The following RXFP1 variants were observed in gnomAD, a reference collection of about 807,000 sequenced individuals.
RXFP1 encodes relaxin family peptide receptor 1.
Under a neutral mutation model 89.8 loss-of-function variants are expected in RXFP1, and 73 were observed. That is an observed-to-expected ratio of 0.81 (90% CI 0.67 to 0.99). The LOEUF is 0.99. Among genes scored for constraint, RXFP1 ranks in the 50% least tolerant of loss-of-function variants. The pLI is 0.00. For synonymous variants in RXFP1, 277 were observed against 305.5 expected (o/e 0.91, Z 0.97); for missense variants, 793 against 895.5 (o/e 0.89, Z 1.46).
intron 13 of RXFP1, 71 bp from the exon 14 acceptor site, chr4:158,639,189 A>G: frequency 2.3e-6 from 2 of 874,082 alleles, no homozygotes; most frequent in Non-Finnish European, 1.9e-6. Context: ...ATTGTCCTTC[A>G]CAGAAACTCA....
intron 3 of RXFP1, among the ~76,000 whole-genome samples, chr4:158,596,209 G>A (rs1760553854): frequency 6.6e-6 from 1 of 150,916 alleles, no homozygotes; most frequent in South Asian, 2.1e-4. Context: ...ATTAAGCCAT[G>A]TTGTCTCAAA....
At chr4:158,576,671 C>T (rs1053810483) in intron 2 of RXFP1, among the ~76,000 whole-genome samples, 4 of 152,100 alleles carry the variant, frequency 2.6e-5, no homozygotes, top group Non-Finnish European at 4.4e-5. Flanking sequence ...AACTTGCTCA[C>T]AAACTCCATT....
At chr4:158,561,632 T>G (rs533305869) in intron 1 of RXFP1, among the ~76,000 whole-genome samples, 2 of 143,348 alleles carry the variant, frequency 1.4e-5, no homozygotes, top group African/African-American at 5.3e-5. Context: ...TTTTCTTTTT[T>G]TTTTTTTTTT....
intron 1 of RXFP1, among the ~76,000 whole-genome samples, chr4:158,552,765 A>G (rs1203175195): frequency 6.6e-6 from 1 of 152,224 alleles, no homozygotes; most frequent in Non-Finnish European, 1.5e-5. Context: ...TTTAGGACAA[A>G]AATGCCCTCA....
rs78640960 is a variant in RXFP1 at position 158,605,261 on chromosome 4, A to G, written c.464+122A>G. Reference sequence around the variant, plus strand: ...CTTGTGTCTAATCCCTATTCAGGGAAATATTTAGCTGTTAACTGAAGACTT... The same window carrying G: ...CTTGTGTCTAATCCCTATTCAGGGAGATATTTAGCTGTTAACTGAAGACTT... On this transcript the variant is annotated intron_variant, in intron 5 of 17. Transcript: ENST00000307765. 224 of 490,592 alleles carry G rather than the reference A, an allele frequency of 4.6e-4. 2 individuals are homozygous for G. The highest frequency in any genetic ancestry group is 4.1e-3 in the African/African-American group (208 of 50,726). The allele number at this position is 490,592 out of a possible 1,614,324, so 30.4% of individuals were successfully genotyped here. A position where few individuals can be genotyped will look rare whatever the true frequency, so the allele number is the denominator to read the frequency against.
At chr4:158,556,107 C>G (rs1476964846) in intron 1 of RXFP1, among the ~76,000 whole-genome samples, 16 of 151,394 alleles carry the variant, frequency 1.1e-4, no homozygotes, top group Non-Finnish European at 7.4e-5. Flanking sequence ...AAAGTTTTTG[C>G]ACAGCAAAGG....
intron 2 of RXFP1, among the ~76,000 whole-genome samples, chr4:158,583,967 C>A (rs1338404565): frequency 6.6e-6 from 1 of 152,216 alleles, no homozygotes; most frequent in Non-Finnish European, 1.5e-5. Flanking sequence ...AAACTCCACA[C>A]AGTTTGATGA....
At chr4:158,538,336 C>T (rs1056368165) in intron 1 of RXFP1, among the ~76,000 whole-genome samples, 2 of 152,134 alleles carry the variant, frequency 1.3e-5, no homozygotes, top group African/African-American at 2.4e-5. Flanking sequence ...CAATTAGACA[C>T]GATGGCTCGC....
At chr4:158,562,626 C>CT (rs1181256450) in intron 1 of RXFP1, among the ~76,000 whole-genome samples, 1 of 146,182 alleles carries the variant, frequency 6.8e-6, no homozygotes, top group Non-Finnish European at 1.5e-5. Context: ...GCTGAGGTTA[C>CT]TTTTGAGCCA....
intron 3 of RXFP1, among the ~76,000 whole-genome samples, chr4:158,598,124 T>C (rs1157282287): frequency 7.9e-5 from 12 of 152,166 alleles, no homozygotes; most frequent in Admixed American, 7.9e-4. Context: ...AGACACTTGC[T>C]TGCTCTCTGC....
chr4:158,574,220 A>T (rs542009631), intron 2 of RXFP1, among the ~76,000 whole-genome samples: 1 of 152,370 alleles, frequency 6.6e-6, no homozygotes, highest in South Asian at 2.1e-4. Flanking sequence ...GAGGACTAAA[A>T]GATGCATAAC....
intron 1 of RXFP1, among the ~76,000 whole-genome samples, chr4:158,534,753 C>G (rs1396956256): frequency 6.6e-6 from 1 of 151,618 alleles, no homozygotes; most frequent in Non-Finnish European, 1.5e-5. Flanking sequence ...CACATCAATG[C>G]TTAGTCCAGA....
At chr4:158,624,502 A>G (rs1231901536) in intron 9 of RXFP1, among the ~76,000 whole-genome samples, 2 of 152,164 alleles carry the variant, frequency 1.3e-5, no homozygotes, top group African/African-American at 4.8e-5. Context: ...CAATTCTACC[A>G]GGTATAAAGG....
chr4:158,593,103 A>AAACG (rs1759845280), intron 2 of RXFP1, among the ~76,000 whole-genome samples: 1 of 85,800 alleles, frequency 1.2e-5, no homozygotes, highest in African/African-American at 2.9e-4. Context: ...AAAAAAACAA[A>AAACG]AACAAACAAA....
intron 1 of RXFP1, among the ~76,000 whole-genome samples, chr4:158,537,582 A>G (rs1003718678): frequency 2.6e-5 from 4 of 152,172 alleles, no homozygotes; most frequent in African/African-American, 7.2e-5. Flanking sequence ...CGACACCATT[A>G]TCTTAAAATA....
At chr4:158,618,902 C>T (rs1001757006) in intron 9 of RXFP1, among the ~76,000 whole-genome samples, 4 of 151,944 alleles carry the variant, frequency 2.6e-5, no homozygotes, top group Admixed American at 2.6e-4. Flanking sequence ...ACAGATATGG[C>T]AATAGCCAAA....
chr4:158,618,236 T>C (rs1764968715), intron 9 of RXFP1, among the ~76,000 whole-genome samples: 1 of 152,108 alleles, frequency 6.6e-6, no homozygotes, highest in Non-Finnish European at 1.5e-5. Flanking sequence ...ACAGCCTCTG[T>C]AATCCCAACT....
At chr4:158,599,506 G>A in intron 4 of RXFP1, 75 bp downstream of exon 4, 2 of 1,099,502 alleles carry the variant, frequency 1.8e-6, no homozygotes, top group Non-Finnish European at 2.6e-6. Flanking sequence ...AAGACCATGT[G>A]ATTATTCATA....
rs776394850 is a variant in RXFP1, at chr4:158,617,214, T to C, written c.755+9T>C. 1 of 1,588,180 alleles carries C rather than the reference T, an allele frequency of 6.3e-7. No individual in the cohort carries two copies. Among genetic ancestry groups the C allele is most frequent in the South Asian group, 1.1e-5 (1 of 87,274 alleles). On this transcript the variant is annotated intron_variant, in intron 9 of 17. Coordinates refer to ENST00000307765, the MANE Select transcript of RXFP1 (RefSeq NM_021634.4). ...CCAAGACTACATTGGCTGTAAGCGA[T>C]TCTGTCTTTTTTTAAAGAACTCAAC... is the stretch of plus-strand genomic sequence containing the variant.
Sources: allele counts gnomAD v4.1 joint callset (sites outside exome capture counted in the v4.1 genomes callset), GRCh38; gene constraint gnomAD v4.1.1; transcripts MANE v1.5; gene names NCBI Gene and HGNC (gene_info 2026-07-23, HGNC 2026-07-21).